Variants in GFRAL observed in about 807,000 individuals in gnomAD.
The protein encoded by GFRAL is GDNF family receptor alpha like.
A neutral mutation model predicts 45.4 loss-of-function variants in GFRAL; 36 were observed. The observed-to-expected ratio is 0.79, with a 90% CI of 0.61 to 1.05. The LOEUF (loss-of-function observed/expected upper bound fraction) is 1.05. Ranked by LOEUF, GFRAL falls within the 50% of genes least tolerant of loss-of-function variation. The pLI is 0.00. For missense variants in GFRAL, 507 were observed against 467.5 expected, an observed-to-expected ratio of 1.08 and a Z score of -0.78; for synonymous variants, 166 against 154.1, an observed-to-expected ratio of 1.08 and a Z score of -0.57.
At chr6:55,362,300 A>G (rs1479724897) in intron 6 of GFRAL, among the ~76,000 whole-genome samples, 2 of 151,716 alleles carry the variant, frequency 1.3e-5, no homozygotes, top group African/African-American at 2.4e-5. Context: ...GCAACAACAA[A>G]ACAAAACAAA....
intron 6 of GFRAL, among the ~76,000 whole-genome samples, chr6:55,367,348 A>G (rs535387572): frequency 7.0e-6 from 1 of 142,436 alleles, no homozygotes; most frequent in South Asian, 2.2e-4. Flanking sequence ...TGCACGTGAG[A>G]TGGGTTTCCT....
At chr6:55,339,664 A>G (rs1414001703) in intron 3 of GFRAL, among the ~76,000 whole-genome samples, 3 of 152,200 alleles carry the variant, frequency 2.0e-5, no homozygotes, top group Non-Finnish European at 4.4e-5. Context: ...TGAAAAGTCA[A>G]AAAAGATAGG....
intron 5 of GFRAL, among the ~76,000 whole-genome samples, chr6:55,354,431 A>G (rs1272841474): frequency 2.6e-5 from 4 of 152,000 alleles, no homozygotes; most frequent in Non-Finnish European, 5.9e-5. Flanking sequence ...CTTAATTGTT[A>G]TATTTTAGTA....
At chr6:55,341,763 T>A (rs1767969175) in intron 3 of GFRAL, among the ~76,000 whole-genome samples, 1 of 152,218 alleles carries the variant, frequency 6.6e-6, no homozygotes, top group Non-Finnish European at 1.5e-5. Flanking sequence ...GAAAAGAAGC[T>A]AAAAACCTTG....
At chr6:55,328,985 A>T (rs935211938) in intron 1 of GFRAL, among the ~76,000 whole-genome samples, 5 of 152,098 alleles carry the variant, frequency 3.3e-5, no homozygotes, top group Non-Finnish European at 7.4e-5. Context: ...ATTTAGTAGG[A>T]TAATAAGCCC....
chr6:55,329,091 C>A (rs17750385), intron 1 of GFRAL, among the ~76,000 whole-genome samples: 37,776 of 151,828 alleles, frequency 0.25, 5,061 homozygotes, highest in Middle Eastern at 0.44. Context: ...CAGGAAAATT[C>A]TTGAAAAATC....
At chr6:55,379,135 T>A (rs13206106) in intron 6 of GFRAL, among the ~76,000 whole-genome samples, 44,527 of 151,908 alleles carry the variant, frequency 0.29, 7,426 homozygotes, top group Middle Eastern at 0.45. Flanking sequence ...ATTGTGTATA[T>A]GTTACACACT....
In GFRAL at chr6:55,331,863, T is replaced by G; in HGVS notation, c.157+14T>G. ...GCAATGATTCAGGTAAACAAGTTGCTAAAAATACACTCAAATGATTTATTT... is the reference window on the plus strand; with the variant it reads ...GCAATGATTCAGGTAAACAAGTTGCGAAAAATACACTCAAATGATTTATTT... On this transcript the variant is annotated intron_variant, in intron 2 of 8. Coordinates refer to ENST00000340465, the MANE Select transcript of GFRAL (RefSeq NM_207410.2). 1 of 1,599,998 alleles carries G rather than the reference T, an allele frequency of 6.3e-7. No individual in the cohort carries two copies. Among genetic ancestry groups the G allele is most frequent in the Non-Finnish European group, 8.5e-7 (1 of 1,173,236 alleles).
In GFRAL at chr6:55,351,483, T is replaced by A; in HGVS notation, c.601T>A (p.Ser201Thr). The change falls in exon 5 of 9, where the codon TCC becomes ACC. Residue 201 changes from serine to threonine, a missense_variant. By Grantham distance (58) the Ser-to-Thr change is moderately conservative. Transcript: ENST00000340465. ...CAQSDIPCQQ[S>T]KEALHSKTCA... ...TCAATCTGATATACCTTGTCAGCAG[T>A]CCAAAGAAGCTCTTCACAGCAAGAC... 2 of 1,613,602 alleles carry A rather than the reference T, an allele frequency of 1.2e-6. No individual in the cohort carries two copies. The highest frequency in any genetic ancestry group is 1.7e-6 in the Non-Finnish European group (2 of 1,179,714).
chr6:55,356,521 G>T (rs896738691), intron 5 of GFRAL, among the ~76,000 whole-genome samples: 4 of 151,840 alleles, frequency 2.6e-5, no homozygotes, highest in Admixed American at 6.6e-5. Flanking sequence ...AGGCTTCAAT[G>T]ATCCTTCGAA....
At chr6:55,338,306 T>C (rs1767917484) in intron 3 of GFRAL, among the ~76,000 whole-genome samples, 1 of 152,096 alleles carries the variant, frequency 6.6e-6, no homozygotes, top group Non-Finnish European at 1.5e-5. Flanking sequence ...TCCAGGCTGG[T>C]CTTGAGCTCC....
chr6:55,390,190 G>A (rs1183700680), intron 6 of GFRAL, among the ~76,000 whole-genome samples: 1 of 152,158 alleles, frequency 6.6e-6, no homozygotes, highest in Non-Finnish European at 1.5e-5. Flanking sequence ...CTATTGACAG[G>A]TAAGTGAGAG....
At chr6:55,347,828 C>T (rs1395613126) in intron 3 of GFRAL, among the ~76,000 whole-genome samples, 1 of 152,018 alleles carries the variant, frequency 6.6e-6, no homozygotes, top group African/African-American at 2.4e-5. Context: ...TGAGCATCTT[C>T]TTTTGCTTTT....
chr6:55,356,172 C>T (rs1215100926), intron 5 of GFRAL, among the ~76,000 whole-genome samples: 1 of 151,824 alleles, frequency 6.6e-6, no homozygotes. Flanking sequence ...GAAAATTGTC[C>T]TGTAGTTTAC....
At chr6:55,359,488 C>T (rs1768244530) in intron 6 of GFRAL, among the ~76,000 whole-genome samples, 1 of 151,948 alleles carries the variant, frequency 6.6e-6, no homozygotes, top group Non-Finnish European at 1.5e-5. Context: ...AGTAACAAAA[C>T]AATGGCTTAA....
At chr6:55,384,544 T>A (rs141864203) in intron 6 of GFRAL, among the ~76,000 whole-genome samples, 44 of 152,118 alleles carry the variant, frequency 2.9e-4, no homozygotes, top group African/African-American at 1.0e-3. Context: ...ACACTGAGTG[T>A]CATCACTTGA....
intron 3 of GFRAL, among the ~76,000 whole-genome samples, chr6:55,342,279 G>C (rs1767977905): frequency 6.6e-6 from 1 of 152,176 alleles, no homozygotes; most frequent in Admixed American, 6.5e-5. Flanking sequence ...AGAGAGAAAG[G>C]TTGGGTTACC....
At chr6:55,386,891 C>A (rs995893543) in intron 6 of GFRAL, among the ~76,000 whole-genome samples, 2 of 152,080 alleles carry the variant, frequency 1.3e-5, no homozygotes, top group African/African-American at 2.4e-5. Flanking sequence ...TCCTATTTTG[C>A]AGTAAATGCT....
intron 6 of GFRAL, among the ~76,000 whole-genome samples, chr6:55,372,373 G>T (rs909561978): frequency 6.6e-6 from 1 of 152,062 alleles, no homozygotes; most frequent in Non-Finnish European, 1.5e-5. Context: ...CAACCCAATT[G>T]CCTGTCCTCC....
Sources: allele counts gnomAD v4.1 joint callset (sites outside exome capture counted in the v4.1 genomes callset), GRCh38; gene constraint gnomAD v4.1.1; transcripts MANE v1.5; gene names NCBI Gene and HGNC (gene_info 2026-07-23, HGNC 2026-07-21).